The following LINS1 variants were observed in gnomAD, a reference collection of about 807,000 sequenced individuals.
The protein encoded by LINS1 is lines homolog 1.
LINS1 carries 27 observed loss-of-function variants against 41.6 expected under a neutral mutation model. The ratio of observed to expected loss-of-function variants is 0.65; its 90% CI spans 0.48 to 0.89. The LOEUF (loss-of-function observed/expected upper bound fraction) is 0.89, where lower values mean the gene tolerates loss of function less well. LINS1 is among the 40% of genes least tolerant of loss of function. LINS1 has a pLI of 0.00. For synonymous variants in LINS1, 336 were observed against 312.9 expected (o/e 1.07, Z -0.78); for missense variants, 955 against 884.1 (o/e 1.08, Z -1.02).
intron 1 of LINS1, among the ~76,000 whole-genome samples, chr15:100,590,420 T>C (rs2038983553): frequency 6.6e-6 from 1 of 152,076 alleles, no homozygotes; most frequent in Non-Finnish European, 1.5e-5. Context: ...AGAACATTGG[T>C]TCACTCCTCT....
At chr15:100,595,813 T>C (rs1346387166) in intron 1 of LINS1, among the ~76,000 whole-genome samples, 1 of 152,216 alleles carries the variant, frequency 6.6e-6, no homozygotes, top group Non-Finnish European at 1.5e-5. Flanking sequence ...GGCTACTTAA[T>C]CTATTTTGCT....
chr15:100,601,199 G>A (rs953699637), intron 1 of LINS1, among the ~76,000 whole-genome samples: 1 of 152,084 alleles, frequency 6.6e-6, no homozygotes, highest in Non-Finnish European at 1.5e-5. Flanking sequence ...GTCTTAGTCC[G>A]TTTCCTGTTG....
intron 1 of LINS1, among the ~76,000 whole-genome samples, chr15:100,595,561 G>A (rs2039208995): frequency 6.6e-6 from 1 of 152,202 alleles, no homozygotes; most frequent in Non-Finnish European, 1.5e-5. Flanking sequence ...CACTGCTGGT[G>A]AGAATGAAAA....
Position 100,573,909 on chromosome 15 carries a change from C to T in LINS1, c.964G>A (p.Ala322Thr). The T allele has an allele frequency of 1.2e-6, 2 of 1,614,240 alleles. No homozygotes were observed. The highest frequency in any genetic ancestry group is 3.3e-5 in the Admixed American group (2 of 60,030). The change falls in exon 5 of 7, where the codon GCC (alanine) becomes ACC (threonine). Residue 322 changes from alanine (A) to threonine (T), a missense_variant. By Grantham distance (58) the Ala-to-Thr change is moderately conservative (BLOSUM62 0). Transcript: ENST00000314742. ...GEDLCRGSVP[A>T]LMPPDHHVAV... ...ACATGATGGTCTGGCGGCATTAAGGCAGGCACAGATCCACGACAGAGGTCT... is the reference window on the plus strand; with the variant it reads ...ACATGATGGTCTGGCGGCATTAAGGTAGGCACAGATCCACGACAGAGGTCT...
Position 100,583,286 on chromosome 15 carries a change from G to A in LINS1, c.-103-2341C>T, listed in dbSNP as rs142063812. On this transcript the variant is annotated intron_variant, in intron 1 of 6. Coordinates refer to ENST00000314742, the MANE Select transcript of LINS1 (RefSeq NM_001040616.3). ...TACTGGGTCTTCCGTCTACAATATGGCCCACTAGCCTAGTCTTGGTCTTTA... is the reference window on the plus strand; with the variant it reads ...TACTGGGTCTTCCGTCTACAATATGACCCACTAGCCTAGTCTTGGTCTTTA... 2.7e-4 allele frequency among the ~76,000 whole-genome samples: 41 copies of A among 152,290 alleles called. No homozygotes were observed. In the East Asian group the frequency reaches 6.4e-3, roughly 24 times the overall value.
intron 3 of LINS1, among the ~76,000 whole-genome samples, chr15:100,577,214 C>G (rs994516721): frequency 1.3e-5 from 2 of 152,082 alleles, no homozygotes; most frequent in African/African-American, 4.8e-5. Flanking sequence ...GGGTATTCAA[C>G]TAGGAAAAGA....
At position 100,580,915 on chromosome 15, in the gene LINS1, A is replaced by C; in HGVS notation, c.-73T>G. 1 of 1,375,978 alleles carries C rather than the reference A, an allele frequency of 7.3e-7. No individual in the cohort carries two copies. Among genetic ancestry groups the C allele is most frequent in the Non-Finnish European group, 1.0e-6 (1 of 994,226 alleles). The allele number at this position is 1,375,978 out of a possible 1,614,324, so 85.2% of individuals were successfully genotyped here. ...GTAAACATTAAATCTCAGAAGTGCA[A>C]TGAATCTCTAAGAAGTTTCTTCAGT... is the stretch of plus-strand genomic sequence containing the variant. On this transcript the variant is annotated 5_prime_UTR_variant, in exon 2 of 7. Coordinates refer to ENST00000314742, the MANE Select transcript of LINS1 (RefSeq NM_001040616.3).
chr15:100,585,154 A>C (rs2038743662), intron 1 of LINS1, among the ~76,000 whole-genome samples: 1 of 152,234 alleles, frequency 6.6e-6, no homozygotes, highest in South Asian at 2.1e-4. Context: ...AAAAGTATGC[A>C]AAACAGCACC....
chr15:100,582,544 G>A (rs111978283), intron 1 of LINS1, among the ~76,000 whole-genome samples: 91 of 97,792 alleles, frequency 9.3e-4, no homozygotes, highest in Middle Eastern at 8.5e-3. Context: ...TGGGTCTTCC[G>A]TCTACACTAT....
chr15:100,598,735 T>C (rs1233147791), intron 1 of LINS1, among the ~76,000 whole-genome samples: 1 of 152,238 alleles, frequency 6.6e-6, no homozygotes, highest in Non-Finnish European at 1.5e-5. Context: ...CTGAACTAAG[T>C]TGGGCTAACA....
rs149644940 is a variant in LINS1 at position 100,573,695 on chromosome 15, A to C, written c.1178T>G (p.Leu393Ter). ...RAASLVIMKSLEIKFQNYSSA... is the reference protein window; with the variant it reads ...RAASLVIMKS ...AGAATAATTTTGAAACTTGATTTCTAAGGATTTCATTATAACTAAGCTTGC... is the reference window on the plus strand; with the variant it reads ...AGAATAATTTTGAAACTTGATTTCTCAGGATTTCATTATAACTAAGCTTGC... The change falls in exon 5 of 7, where the codon TTA becomes TGA. Residue 393 changes from leucine to a stop codon, truncating the protein, a stop_gained. Transcript: ENST00000314742. LOFTEE classifies it high-confidence loss of function. 21 of 1,610,626 alleles carry C rather than the reference A, an allele frequency of 1.3e-5. No individual in the cohort carries two copies. The highest frequency in any genetic ancestry group is 1.8e-5 in the Non-Finnish European group (21 of 1,178,424).
At chr15:100,571,483 T>C (rs943324474) in intron 6 of LINS1, among the ~76,000 whole-genome samples, 1 of 152,136 alleles carries the variant, frequency 6.6e-6, no homozygotes, top group African/African-American at 2.4e-5. Flanking sequence ...GAAACGAAAA[T>C]TCAGAACAGC....
chr15:100,594,044 T>A (rs8034452), intron 1 of LINS1, among the ~76,000 whole-genome samples: 5,340 of 152,238 alleles, frequency 0.035, 279 homozygotes, highest in African/African-American at 0.12. Context: ...CCAAAATCCA[T>A]GGATGCTCAA....
chr15:100,584,689 AAGC>A (rs2038719895), intron 1 of LINS1, among the ~76,000 whole-genome samples: 1 of 152,178 alleles, frequency 6.6e-6, no homozygotes, highest in Admixed American at 6.5e-5. Context: ...GCCAGCAAGC[AAGC>A]AAAGCAACTC....
chr15:100,594,970 G>A (rs1345445872), intron 1 of LINS1, among the ~76,000 whole-genome samples: 1 of 152,164 alleles, frequency 6.6e-6, no homozygotes, highest in Non-Finnish European at 1.5e-5. Flanking sequence ...GGCATCAACA[G>A]TTCATCCACA....
In LINS1 at chr15:100,569,183, G is replaced by C. The variant is rs935439172; in HGVS notation, c.*55C>G. Reference sequence around the variant, plus strand: ...GATGATTTTATACTATTACCTCATTGAGACATAATTTATATTAAGGAAAAA... The same window carrying C: ...GATGATTTTATACTATTACCTCATTCAGACATAATTTATATTAAGGAAAAA... On this transcript the variant is annotated 3_prime_UTR_variant, in exon 7 of 7. Transcript: ENST00000314742. 1 of 1,119,342 alleles carries C rather than the reference G, an allele frequency of 8.9e-7. No homozygotes were observed. The highest frequency in any genetic ancestry group is 1.6e-5 in the African/African-American group (1 of 63,450). 69.3% of individuals were successfully genotyped at this position (1,119,342 alleles called of 1,614,324 possible). A position where few individuals can be genotyped will look rare whatever the true frequency, so the allele number is the denominator to read the frequency against.
At chr15:100,572,765 G>C in intron 5 of LINS1, 1 of 980,878 alleles carries the variant, frequency 1.0e-6, no homozygotes, top group Non-Finnish European at 1.2e-6. Context: ...TAAAATGGAA[G>C]ACTTTGAACT....
chr15:100,586,730 C>T (rs2038816303), intron 1 of LINS1, among the ~76,000 whole-genome samples: 1 of 151,972 alleles, frequency 6.6e-6, no homozygotes. Flanking sequence ...AGTAAGAAAC[C>T]AGTAAGTAGC....
At chr15:100,580,419 A>C in intron 2 of LINS1, 25 bp downstream of exon 2, 1 of 1,610,074 alleles carries the variant, frequency 6.2e-7, no homozygotes, top group Non-Finnish European at 8.5e-7. Flanking sequence ...AAATATCTAC[A>C]TCTTTAGAAA....
Sources: gnomAD v4.1 joint callset for allele counts (sites outside exome capture counted in the v4.1 genomes callset) on GRCh38, gnomAD v4.1.1 for gene constraint, MANE v1.5 for transcripts, NCBI Gene and HGNC (gene_info 2026-07-23, HGNC 2026-07-21) for gene names.